Variants in SLC12A9 observed in about 807,000 individuals in gnomAD.
SLC12A9 encodes solute carrier family 12 member 9.
A neutral mutation model predicts 66.0 loss-of-function variants in SLC12A9; 55 were observed. That is an observed-to-expected ratio of 0.83 (90% CI 0.67 to 1.04). The LOEUF (loss-of-function observed/expected upper bound fraction) is 1.04. Ranked by LOEUF, SLC12A9 falls within the 50% of genes least tolerant of loss-of-function variation. SLC12A9 has a pLI of 0.00. For synonymous variants in SLC12A9, 577 were observed against 569.0 expected (o/e 1.01, Z -0.20); for missense variants, 1,061 against 1,241.9 (o/e 0.85, Z 2.19).
chr7:100,858,647 G>A (rs934403808), intron 5 of SLC12A9, 188 bp from the exon 6 acceptor site: 29 of 580,138 alleles, frequency 5.0e-5, no homozygotes, highest in Non-Finnish European at 7.4e-5. Flanking sequence ...GAGGAATATC[G>A]GAGCACTGGG....
In SLC12A9 at chr7:100,861,274, A is replaced by G. The variant is rs746231650; in HGVS notation, c.1343+12A>G. On this transcript the variant is annotated intron_variant, in intron 10 of 13. Coordinates refer to ENST00000354161, the MANE Select transcript of SLC12A9 (RefSeq NM_020246.4). The surrounding 1 kb of genome is among the most constrained non-coding windows in gnomAD (Gnocchi z 5.3). The stretch of plus-strand genomic sequence containing the variant: ...GCCCCCAACTTCCGGTGAGAGACTC[A>G]GATCTGTGTCCCCAGAGAGAAGAAG... 6.2e-7 allele frequency: 1 copy of G among 1,614,106 alleles called. No homozygotes were observed. The highest frequency in any genetic ancestry group is 8.5e-7 in the Non-Finnish European group (1 of 1,180,002).
At chr7:100,829,064 T>C (rs1043011477) in intron 1 of SLC12A9, among the ~76,000 whole-genome samples, 64 of 151,730 alleles carry the variant, frequency 4.2e-4, no homozygotes, top group Non-Finnish European at 7.8e-4. Context: ...CTGGGCTCAC[T>C]GCAACCTCCG....
chr7:100,860,958 TA>T (rs1814711054), intron 9 of SLC12A9, 179 bp from the exon 10 acceptor site: 17 of 1,125,002 alleles, frequency 1.5e-5, no homozygotes, highest in Non-Finnish European at 1.9e-5. Context: ...TTTTGGGGTT[TA>T]ATAGCATTTT....
rs367859440 is a variant in SLC12A9, at chr7:100,854,779, G to T, written c.316+25G>T. Reference sequence around the variant, plus strand: ...TGTATCCTCCAACATCGATGGACTGGGGTCTGGCCTGTTCTGCCTGCTAGG... The same window carrying T: ...TGTATCCTCCAACATCGATGGACTGTGGTCTGGCCTGTTCTGCCTGCTAGG... On this transcript the variant is annotated intron_variant, in intron 3 of 13. Transcript: ENST00000354161. 4 of 1,613,090 alleles carry T rather than the reference G, an allele frequency of 2.5e-6. No individual in the cohort carries two copies. In the Admixed American group the frequency reaches 6.7e-5, roughly 27 times the overall value.
At chr7:100,855,597 A>T in intron 3 of SLC12A9, 109 bp from the exon 4 acceptor site, 5 of 1,482,274 alleles carry the variant, frequency 3.4e-6, no homozygotes, top group Non-Finnish European at 4.7e-6. Context: ...GGGCAAAGCC[A>T]CATGGCTGGG....
Position 100,865,883 on chromosome 7 carries a change from C to T in SLC12A9, c.2023C>T (p.Pro675Ser). 1 of 1,613,664 alleles carries T rather than the reference C, an allele frequency of 6.2e-7. No homozygotes were observed. Among genetic ancestry groups the T allele is most frequent in the Middle Eastern group, 1.6e-4 (1 of 6,062 alleles). Residue 675 changes from proline (P) to serine (S), a missense_variant, in exon 14 of 14, where the codon CCC (proline) becomes TCC (serine). Transcript: ENST00000354161. ...CCCTCCTCCCCGGGCTCCTGGGAGC[C>T]CCCGGGCCCTCAATCCCCAGGACTA... The part of the protein sequence containing the change: ...LFPPPRAPGS[P>S]RALNPQDYVA...
At chr7:100,860,397 C>T in intron 9 of SLC12A9, 165 bp downstream of exon 9, 2 of 713,756 alleles carry the variant, frequency 2.8e-6, no homozygotes, top group South Asian at 3.9e-5. Flanking sequence ...GGTTCACCAG[C>T]ACCTTGCAGG....
At chr7:100,849,897 G>C (rs1291431478), upstream of SLC12A9, among the ~76,000 whole-genome samples, 11 of 149,526 alleles carry the variant, frequency 7.4e-5, no homozygotes, top group African/African-American at 2.7e-4. Context: ...TTTTGAGTCA[G>C]AGTCTCGCTC....
In SLC12A9 at chr7:100,861,712, C is replaced by G. The variant is rs1212232361; in HGVS notation, c.1537-25C>G. 9.3e-6 allele frequency: 15 copies of G among 1,613,940 alleles called. 1 individual carries two copies. Among genetic ancestry groups the G allele is most frequent in the Non-Finnish European group, 1.2e-5 (14 of 1,179,954 alleles). On this transcript the variant is annotated intron_variant, in intron 11 of 13. Transcript: ENST00000354161. This position sits in a 1 kb window ranked among gnomAD's most constrained non-coding sequence, Gnocchi z 5.3. ...GCTGTGCATTTGATCCTGCCACTTC[C>G]CCACTGCCTCACCCCTATACCCAGG... is the stretch of plus-strand genomic sequence containing the variant.
At chr7:100,860,080 C>G (rs1355840434) in intron 8 of SLC12A9, 38 bp downstream of exon 8, 1 of 1,614,174 alleles carries the variant, frequency 6.2e-7, no homozygotes. Context: ...GGAGCACGCC[C>G]TCCCTTGTCT....
intron 1 of SLC12A9, among the ~76,000 whole-genome samples, chr7:100,847,257 C>A (rs1010769188): frequency 2.0e-5 from 3 of 152,226 alleles, no homozygotes; most frequent in African/African-American, 7.2e-5. Context: ...GCCTTGGCCT[C>A]CCCAAATGGT....
In SLC12A9 at chr7:100,854,278, G is replaced by A; in HGVS notation, c.81G>A (p.Gly27=). 3.1e-6 allele frequency: 5 copies of A among 1,595,168 alleles called. No homozygotes were observed. The highest frequency in any genetic ancestry group is 4.3e-6 in the Non-Finnish European group (5 of 1,175,214). The change falls in exon 2 of 14, where the codon GGG becomes GGA. Residue 27 remains glycine, a synonymous_variant. Coordinates refer to ENST00000354161, the MANE Select transcript of SLC12A9 (RefSeq NM_020246.4). ...TTGCCCTCCCTGCCAATGGGGCCGG[G>A]GGTCCTGGAGGGGCGTCTGCCCGGA... ...EGVALPANGA[G]GPGGASARKL...
rs375615099 is a variant in SLC12A9, at chr7:100,854,770, G to A, written c.316+16G>A. 9 of 1,613,460 alleles carry A rather than the reference G, an allele frequency of 5.6e-6. No individual in the cohort carries two copies. Among genetic ancestry groups the A allele is most frequent in the African/African-American group, 1.3e-5 (1 of 74,910 alleles). Reference sequence around the variant, plus strand: ...GGAGCCTACTGTATCCTCCAACATCGATGGACTGGGGTCTGGCCTGTTCTG... The same window carrying A: ...GGAGCCTACTGTATCCTCCAACATCAATGGACTGGGGTCTGGCCTGTTCTG... On this transcript the variant is annotated intron_variant, in intron 3 of 13. Coordinates refer to ENST00000354161, the MANE Select transcript of SLC12A9 (RefSeq NM_020246.4).
intron 1 of SLC12A9, among the ~76,000 whole-genome samples, chr7:100,831,064 A>G (rs1024346558): frequency 1.3e-5 from 2 of 152,212 alleles, no homozygotes; most frequent in Non-Finnish European, 2.9e-5. Context: ...CCAAAATATT[A>G]GGCTGTCACC....
At chr7:100,833,919 C>G (rs1307310044) in intron 1 of SLC12A9, among the ~76,000 whole-genome samples, 1 of 116,708 alleles carries the variant, frequency 8.6e-6, no homozygotes, top group African/African-American at 3.6e-5. Context: ...AGGTACAGAG[C>G]GAGACTCTGT....
Position 100,854,136 on chromosome 7 carries a change from C to T in SLC12A9, c.-42-20C>T. 2.1e-6 allele frequency: 3 copies of T among 1,452,856 alleles called. No homozygotes were observed. The highest frequency in any genetic ancestry group is 2.7e-6 in the Non-Finnish European group (3 of 1,096,692). The allele number at this position is 1,452,856 out of a possible 1,614,324, so 90.0% of individuals were successfully genotyped here. A position where few individuals can be genotyped will look rare whatever the true frequency, so the allele number is the denominator to read the frequency against. Reference sequence around the variant, plus strand: ...GAGCTCTGTGGGGGAGCTTTTGATGCAACATAATCTCCTTTGCAGGTCACC... The same window carrying T: ...GAGCTCTGTGGGGGAGCTTTTGATGTAACATAATCTCCTTTGCAGGTCACC... On this transcript the variant is annotated intron_variant, in intron 1 of 13. Transcript: ENST00000354161.
intron 7 of SLC12A9, chr7:100,859,385 G>A (rs1478326924): frequency 5.3e-6 from 3 of 568,204 alleles, no homozygotes; most frequent in Non-Finnish European, 9.5e-6. Flanking sequence ...TACCCAGTTT[G>A]CATTTCCACA....
At chr7:100,844,211 A>G (rs572926927) in intron 1 of SLC12A9, among the ~76,000 whole-genome samples, 95 of 152,188 alleles carry the variant, frequency 6.2e-4, no homozygotes, top group Non-Finnish European at 1.2e-3. Flanking sequence ...ATTATTTTAC[A>G]GTTATTATAA....
chr7:100,857,284 G>A, intron 5 of SLC12A9, 108 bp downstream of exon 5: 1 of 1,261,300 alleles, frequency 7.9e-7, no homozygotes, highest in Non-Finnish European at 1.1e-6. Context: ...GGAATGGAGG[G>A]CAGGAGGTCT....
Sources: allele counts gnomAD v4.1 joint callset (sites outside exome capture counted in the v4.1 genomes callset), GRCh38; gene constraint gnomAD v4.1.1; non-coding constraint Gnocchi (gnomAD v3.1); transcripts MANE v1.5; gene names NCBI Gene and HGNC (gene_info 2026-07-23, HGNC 2026-07-21).